HSPA12A: variants seen among roughly 807,000 people sequenced by gnomAD.
HSPA12A encodes heat shock 70 kDa protein 12A.
Under a neutral mutation model 69.2 loss-of-function variants are expected in HSPA12A, and 28 were observed. The observed-to-expected ratio is 0.40, with a 90% CI of 0.30 to 0.55. The LOEUF is 0.55. Ranked by LOEUF, HSPA12A falls within the 20% of genes least tolerant of loss-of-function variation. The pLI, the probability that HSPA12A is intolerant of heterozygous loss-of-function variation, is 0.38. For missense variants in HSPA12A, 686 were observed against 900.7 expected (o/e 0.76, Z 3.05); for synonymous variants, 345 against 370.5 (o/e 0.93, Z 0.79).
At position 116,810,832 on chromosome 10, in the gene HSPA12A, A is replaced by C. The variant is rs138850084; in HGVS notation, c.91+24103T>G. ...GCTCCTCTCCGTTGAACAGATTAGA[A>C]AACTGAGACCCACGGTAATTTAGCC... On this transcript the variant is annotated intron_variant, in intron 2 of 12. Transcript: ENST00000635765. 6.0e-3 allele frequency among the ~76,000 whole-genome samples: 912 copies of C among 152,320 alleles called. 4 individuals carry two copies. Among genetic ancestry groups the C allele is most frequent in the South Asian group, 0.021 (101 of 4,824 alleles).
intron 1 of HSPA12A, among the ~76,000 whole-genome samples, chr10:116,736,532 A>G (rs782490285): frequency 3.3e-5 from 5 of 152,162 alleles, no homozygotes; most frequent in Non-Finnish European, 7.3e-5. Context: ...GAGATGGGGA[A>G]ATGATTACAC....
At chr10:116,784,338 T>C (rs1589704171) in intron 2 of HSPA12A, among the ~76,000 whole-genome samples, 1 of 152,228 alleles carries the variant, frequency 6.6e-6, no homozygotes. Flanking sequence ...CAGCGCAGGG[T>C]CTTTGAGCAC....
In HSPA12A at chr10:116,712,977, A is replaced by AATATATATATATAT. The variant is rs56007651; in HGVS notation, c.41-5706_41-5693dup. On this transcript the variant is annotated intron_variant, in intron 1 of 11. Transcript: ENST00000369209. Reference sequence around the variant, plus strand: ...TGGTACTTATGATTTTAAAAAATGCAATATATATATATATATATATATATA... The same window carrying AATATATATATATAT: ...TGGTACTTATGATTTTAAAAAATGCAATATATATATATATATATATATATATATATATATATATA... Among the ~76,000 whole-genome samples the AATATATATATATAT allele has an allele frequency of 8.5e-3, 689 of 80,692 alleles. 19 individuals are homozygous for AATATATATATATAT. The highest frequency in any genetic ancestry group is 0.015 in the African/African-American group (272 of 17,790). 52.9% of individuals were successfully genotyped at this position (80,692 alleles called of 152,430 possible). A position where few individuals can be genotyped will look rare whatever the true frequency, so the allele number is the denominator to read the frequency against.
chr10:116,679,788 A>AT (rs1455975947), intron 9 of HSPA12A, 27 bp from the exon 10 acceptor site: 25 of 1,607,644 alleles, frequency 1.6e-5, no homozygotes, highest in Non-Finnish European at 1.9e-5. Flanking sequence ...AAGGGAGGCC[A>AT]TGGTGTTAAA....
chr10:116,839,619 A>C (rs936824963), intron 1 of HSPA12A, among the ~76,000 whole-genome samples: 2 of 151,932 alleles, frequency 1.3e-5, no homozygotes, highest in Non-Finnish European at 2.9e-5. Context: ...AAAAAAAAAA[A>C]AAAAAAAAAA....
In HSPA12A at chr10:116,786,162, C is replaced by T. The variant is rs139268088; in HGVS notation, c.91+48773G>A. Among the ~76,000 whole-genome samples, 913 of 152,316 alleles carry T rather than the reference C, an allele frequency of 6.0e-3. 15 individuals are homozygous for T. The highest frequency in any genetic ancestry group is 0.035 in the Admixed American group (530 of 15,300). ...CGGGTTCTGCAGAAGAGACTCTCAG[C>T]AAATCTCAGCAGTGGGGTTGCATGG... On this transcript the variant is annotated intron_variant, in intron 2 of 12. Transcript: ENST00000635765.
At chr10:116,795,152 T>C (rs1413305864) in intron 2 of HSPA12A, among the ~76,000 whole-genome samples, 2 of 152,200 alleles carry the variant, frequency 1.3e-5, no homozygotes, top group African/African-American at 4.8e-5. Flanking sequence ...TTCACCTTCA[T>C]ACCCCCAAAT....
intron 6 of HSPA12A, among the ~76,000 whole-genome samples, chr10:116,688,062 T>C (rs1392489095): frequency 1.3e-5 from 2 of 152,200 alleles, no homozygotes; most frequent in Non-Finnish European, 2.9e-5. Context: ...GGACAATCCT[T>C]CTTCTTCCAA....
Position 116,712,791 on chromosome 10 carries a change from T to C in HSPA12A, c.41-5506A>G, listed in dbSNP as rs539688058. On this transcript the variant is annotated intron_variant, in intron 1 of 11. Coordinates refer to ENST00000369209, the MANE Select transcript of HSPA12A (RefSeq NM_025015.3). ...ATGTTTAAAGATGAAGACAGAACCA[T>C]AGGGCTGACTTTATTCTACAAGGTT... 9.6e-4 allele frequency among the ~76,000 whole-genome samples: 145 copies of C among 151,802 alleles called. 2 individuals are homozygous for C. In the South Asian group the frequency reaches 0.027, roughly 29 times the overall value.
At chr10:116,802,729 C>T (rs1297708853) in intron 2 of HSPA12A, among the ~76,000 whole-genome samples, 1 of 152,194 alleles carries the variant, frequency 6.6e-6, no homozygotes, top group Non-Finnish European at 1.5e-5. Context: ...AGGCAGGCTG[C>T]CCCGATCACG....
rs1046109846 is a variant in HSPA12A, at chr10:116,799,467, G to A, written c.91+35468C>T. 3.9e-5 allele frequency among the ~76,000 whole-genome samples: 6 copies of A among 152,064 alleles called. No homozygotes were observed. In the East Asian group the frequency reaches 1.2e-3, roughly 29 times the overall value. On this transcript the variant is annotated intron_variant, in intron 2 of 12. Transcript: ENST00000635765. ...GGGTGACCTGAACAAACACACACAC[G>A]CACACACATATATGCATACACAAAT...
chr10:116,828,589 C>A (rs1359065675), intron 2 of HSPA12A, among the ~76,000 whole-genome samples: 1 of 152,196 alleles, frequency 6.6e-6, no homozygotes, highest in East Asian at 1.9e-4. Flanking sequence ...AAAGGGAGGA[C>A]CACCTATGTA....
At chr10:116,689,614 C>T (rs1554879908) in intron 6 of HSPA12A, among the ~76,000 whole-genome samples, 2 of 34,300 alleles carry the variant, frequency 5.8e-5, no homozygotes, top group Non-Finnish European at 1.1e-4. Flanking sequence ...TACAGACACA[C>T]AGACAGACAG....
chr10:116,844,889 C>A (rs998977473), intron 1 of HSPA12A, among the ~76,000 whole-genome samples: 3 of 152,208 alleles, frequency 2.0e-5, no homozygotes, highest in African/African-American at 7.2e-5. Context: ...TATTCACATT[C>A]ATTTAGGAAA....
Position 116,701,164 on chromosome 10 carries a change from C to CT in HSPA12A, c.255-36dup. 2.5e-6 allele frequency: 4 copies of CT among 1,598,894 alleles called. No individual in the cohort carries two copies. In the East Asian group the frequency reaches 8.9e-5, roughly 36 times the overall value. Reference sequence around the variant, plus strand: ...AGGGAAGCAGAAGTTATGGGGCCTTCTTTCAAAATCCCAATTCAGGCAGCA... The same window carrying CT: ...AGGGAAGCAGAAGTTATGGGGCCTTCTTTTCAAAATCCCAATTCAGGCAGCA... On this transcript the variant is annotated intron_variant, in intron 3 of 11. Coordinates refer to ENST00000369209, the MANE Select transcript of HSPA12A (RefSeq NM_025015.3).
chr10:116,815,561 T>A (rs992758915), intron 2 of HSPA12A, among the ~76,000 whole-genome samples: 4 of 151,882 alleles, frequency 2.6e-5, no homozygotes, highest in Non-Finnish European at 5.9e-5. Flanking sequence ...GGCAGAAGAG[T>A]GAGACCCTGT....
intron 2 of HSPA12A, among the ~76,000 whole-genome samples, chr10:116,785,750 T>A (rs1844561106): frequency 6.6e-6 from 1 of 151,944 alleles, no homozygotes; most frequent in Admixed American, 6.6e-5. Context: ...ACCCCCTCCC[T>A]CCCAGGGAAT....
intron 6 of HSPA12A, among the ~76,000 whole-genome samples, 185 bp from the exon 7 acceptor site, chr10:116,684,147 T>C (rs1172700499): frequency 6.6e-6 from 1 of 152,146 alleles, no homozygotes; most frequent in African/African-American, 2.4e-5. Flanking sequence ...CCAAGCCAGA[T>C]ACCCAAACAC....
intron 2 of HSPA12A, among the ~76,000 whole-genome samples, chr10:116,788,581 T>G (rs1374245580): frequency 2.6e-5 from 4 of 152,128 alleles, no homozygotes; most frequent in Non-Finnish European, 4.4e-5. Flanking sequence ...TGAGTATCCT[T>G]CCAGACTCTA....
Sources: allele counts gnomAD v4.1 joint callset (sites outside exome capture counted in the v4.1 genomes callset), GRCh38; gene constraint gnomAD v4.1.1; transcripts MANE v1.5; gene names NCBI Gene and HGNC (gene_info 2026-07-23, HGNC 2026-07-21).